SHISA9: variants seen among roughly 807,000 people sequenced by gnomAD.
SHISA9 encodes protein shisa-9.
A neutral mutation model predicts 38.0 loss-of-function variants in SHISA9; 13 were observed. That is an observed-to-expected ratio of 0.34 (90% CI 0.22 to 0.54). SHISA9 has a LOEUF of 0.54. Ranked by LOEUF, SHISA9 falls within the 20% of genes least tolerant of loss-of-function variation. The pLI is 0.91. For synonymous variants in SHISA9, 275 were observed against 242.0 expected (o/e 1.14, Z -1.27); for missense variants, 538 against 575.8 (o/e 0.93, Z 0.67).
At chr16:13,096,634 C>T (rs1022988607) in intron 2 of SHISA9, among the ~76,000 whole-genome samples, 2 of 152,194 alleles carry the variant, frequency 1.3e-5, no homozygotes, top group East Asian at 3.8e-4. Context: ...AAAAGCCTTT[C>T]ACGGTGCCCA....
chr16:12,930,059 T>C (rs1372536007), intron 2 of SHISA9, among the ~76,000 whole-genome samples: 1 of 152,184 alleles, frequency 6.6e-6, no homozygotes, highest in Non-Finnish European at 1.5e-5. Flanking sequence ...GTTCATATAC[T>C]ACCTAAAGTC....
At chr16:13,517,682 T>G in the SHISA9 span, among the ~76,000 whole-genome samples, 1 of 152,306 alleles carries the variant, frequency 6.6e-6, no homozygotes, top group Middle Eastern at 3.4e-3. Context: ...TGGAAGTACA[T>G]GGCATTATGG....
intron 2 of SHISA9, among the ~76,000 whole-genome samples, chr16:13,162,740 A>G (rs1314133448): frequency 6.6e-6 from 1 of 152,182 alleles, no homozygotes; most frequent in African/African-American, 2.4e-5. Context: ...GTGGGAATGA[A>G]TCTTAGCAAA....
the SHISA9 span, among the ~76,000 whole-genome samples, chr16:13,328,537 T>G: frequency 6.6e-6 from 1 of 151,556 alleles, no homozygotes; most frequent in South Asian, 2.1e-4. Flanking sequence ...CTCAGCCTTC[T>G]GAGTAGCTAG....
chr16:13,007,371 T>G (rs1192771336), intron 2 of SHISA9, among the ~76,000 whole-genome samples: 1 of 152,126 alleles, frequency 6.6e-6, no homozygotes, highest in Non-Finnish European at 1.5e-5. Context: ...AGGCCTCTAG[T>G]CCTGAAGTTT....
the SHISA9 span, among the ~76,000 whole-genome samples, chr16:13,254,251 C>T: frequency 5.9e-5 from 9 of 152,136 alleles, no homozygotes; most frequent in African/African-American, 1.9e-4. Flanking sequence ...GTGATTTGCC[C>T]AAAGCCAAGC....
At chr16:13,154,611 T>A (rs146812810) in intron 2 of SHISA9, among the ~76,000 whole-genome samples, 2 of 152,304 alleles carry the variant, frequency 1.3e-5, no homozygotes, top group East Asian at 3.9e-4. Flanking sequence ...CTTTGTTGAT[T>A]TAAGCTACTG....
chr16:12,943,328 TGTGAGA>T (rs2071644832), intron 2 of SHISA9, among the ~76,000 whole-genome samples: 1 of 18,746 alleles, frequency 5.3e-5, no homozygotes, highest in African/African-American at 2.1e-4. Context: ...TGTGTGTGTG[TGTGAGA>T]GAGAGAGAGA....
At chr16:13,084,634 A>G (rs1456806199) in intron 2 of SHISA9, among the ~76,000 whole-genome samples, 1 of 152,196 alleles carries the variant, frequency 6.6e-6, no homozygotes, top group Non-Finnish European at 1.5e-5. Flanking sequence ...CCTTCATGGG[A>G]TTTAAATGAC....
At chr16:13,436,751 A>T in the SHISA9 span, among the ~76,000 whole-genome samples, 2 of 150,656 alleles carry the variant, frequency 1.3e-5, no homozygotes, top group Admixed American at 6.6e-5. Flanking sequence ...TACTATAGTG[A>T]CACACAGTCA....
the SHISA9 span, among the ~76,000 whole-genome samples, chr16:13,341,348 C>G: frequency 2.6e-5 from 4 of 152,154 alleles, no homozygotes; most frequent in African/African-American, 9.7e-5. Context: ...AACATCCTTT[C>G]ATTGAATTCC....
intron 2 of SHISA9, among the ~76,000 whole-genome samples, chr16:12,993,763 G>C (rs1432492298): frequency 2.0e-5 from 3 of 152,214 alleles, no homozygotes; most frequent in African/African-American, 7.2e-5. Context: ...ATTGAGACCA[G>C]ACAATCACAA....
chr16:13,382,357 G>A, the SHISA9 span, among the ~76,000 whole-genome samples: 9 of 151,568 alleles, frequency 5.9e-5, no homozygotes, highest in East Asian at 3.9e-4. Flanking sequence ...GCAAAACCCC[G>A]TCTCTACTAA....
chr16:12,939,382 C>T (rs2071579228), intron 2 of SHISA9, among the ~76,000 whole-genome samples: 1 of 152,162 alleles, frequency 6.6e-6, no homozygotes, highest in Admixed American at 6.5e-5. Flanking sequence ...CTGCGCCTGG[C>T]CAGGAAGTAG....
the SHISA9 span, among the ~76,000 whole-genome samples, chr16:13,548,320 A>T: frequency 6.6e-6 from 1 of 152,194 alleles, no homozygotes; most frequent in African/African-American, 2.4e-5. Flanking sequence ...TTTGGATAAG[A>T]CCTAAAAAGC....
chr16:13,109,652 C>T (rs995915849), intron 2 of SHISA9, among the ~76,000 whole-genome samples: 3 of 152,100 alleles, frequency 2.0e-5, no homozygotes, highest in Non-Finnish European at 2.9e-5. Flanking sequence ...TTTTTTGTCA[C>T]CCCAATAAGA....
chr16:12,963,788 T>TTTGAG (rs2071942474), intron 2 of SHISA9, among the ~76,000 whole-genome samples: 1 of 152,158 alleles, frequency 6.6e-6, no homozygotes, highest in Non-Finnish European at 1.5e-5. Context: ...GGTGGAAGCT[T>TTTGAG]TTGAGTTGAG....
rs991517745 is a variant in SHISA9, at chr16:13,029,960, C to T, written c.691+113145C>T. ...TTCAAGCTCTCTAAGGATCAGTTTC[C>T]GCATCTGTGAACGGAGGATAATTAT... is the stretch of plus-strand genomic sequence containing the variant. On this transcript the variant is annotated intron_variant, in intron 2 of 4. Transcript: ENST00000558583. Among the ~76,000 whole-genome samples, 22 of 152,158 alleles carry T rather than the reference C, an allele frequency of 1.4e-4. 1 individual carries two copies. The South Asian group carries it at 2.1e-3, about 14-fold the overall frequency.
chr16:13,015,137 G>A (rs535703689), intron 2 of SHISA9, among the ~76,000 whole-genome samples: 125 of 152,318 alleles, frequency 8.2e-4, no homozygotes, highest in Non-Finnish European at 7.1e-4. Context: ...TGCAGCCTAT[G>A]GGCCAAATCT....
Sources: allele counts gnomAD v4.1 joint callset (sites outside exome capture counted in the v4.1 genomes callset), GRCh38; gene constraint gnomAD v4.1.1; transcripts MANE v1.5; gene names NCBI Gene and HGNC (gene_info 2026-07-23, HGNC 2026-07-21).